USP44: variants seen among roughly 807,000 people sequenced by gnomAD.
USP44 encodes ubiquitin carboxyl-terminal hydrolase 44.
USP44 carries 61 observed loss-of-function variants against 69.0 expected under a neutral mutation model. That is an observed-to-expected ratio of 0.88 (90% confidence interval 0.72 to 1.09). USP44 has a LOEUF of 1.09. Among genes scored for constraint, USP44 ranks in the 50% least tolerant of loss-of-function variants. The probability of loss-of-function intolerance (pLI) is 0.00; values close to 1 mark genes in which losing one functional copy is unlikely to be tolerated. For synonymous variants in USP44, 297 were observed against 295.4 expected (o/e 1.01, Z -0.06); for missense variants, 753 against 849.9 (o/e 0.89, Z 1.42).
chr12:95,528,040 C>A (rs1479740081), intron 3 of USP44, among the ~76,000 whole-genome samples: 3 of 149,700 alleles, frequency 2.0e-5, no homozygotes, highest in Non-Finnish European at 4.5e-5. Flanking sequence ...GGTTTCACCA[C>A]ATTGGCCAGG....
intron 1 of USP44, among the ~76,000 whole-genome samples, chr12:95,544,806 TC>T (rs568502669): frequency 4.6e-4 from 70 of 152,052 alleles, no homozygotes; most frequent in African/African-American, 1.7e-3. Flanking sequence ...TTAAGAAGCT[TC>T]CCCCCGCCAT....
chr12:95,526,874 A>G (rs1247385270), intron 3 of USP44, among the ~76,000 whole-genome samples: 1 of 152,118 alleles, frequency 6.6e-6, no homozygotes, highest in East Asian at 1.9e-4. Context: ...ATATAGTATA[A>G]ATACTAAGAT....
intron 1 of USP44, among the ~76,000 whole-genome samples, chr12:95,543,777 T>C (rs1007801501): frequency 1.4e-4 from 21 of 151,430 alleles, no homozygotes; most frequent in African/African-American, 4.8e-4. Context: ...CCATCCTGGC[T>C]AACACAGTGA....
At chr12:95,519,435 T>C (rs1325809221) in intron 5 of USP44, among the ~76,000 whole-genome samples, 1 of 126,074 alleles carries the variant, frequency 7.9e-6, no homozygotes. Flanking sequence ...AATCTGTATT[T>C]TTTTTTTTTT....
At chr12:95,531,632 C>T (rs1446692453) in intron 2 of USP44, among the ~76,000 whole-genome samples, 2 of 152,246 alleles carry the variant, frequency 1.3e-5, no homozygotes, top group East Asian at 3.9e-4. Flanking sequence ...CTTTGCATTT[C>T]TGAAACACTG....
At chr12:95,522,180 T>G in intron 4 of USP44, 2 of 890,582 alleles carry the variant, frequency 2.2e-6, no homozygotes, top group Non-Finnish European at 2.7e-6. Context: ...TGGGGTAGTA[T>G]GGTAGAGAGA....
Position 95,524,464 on chromosome 12 carries a change from G to A in USP44, c.1733+216C>T, listed in dbSNP as rs35223006. On this transcript the variant is annotated intron_variant, in intron 4 of 5. Coordinates refer to ENST00000258499, the MANE Select transcript of USP44 (RefSeq NM_032147.5). ...CTGGGCAACATGGTAAAACCCTATC[G>A]CCAGCCTAGGTGACAGAGTGAGACT... The A allele has an allele frequency of 0.04, 13,365 of 338,348 alleles. 377 individuals are homozygous for A. Among genetic ancestry groups the A allele is most frequent in the Middle Eastern group, 0.096 (102 of 1,068 alleles). 21.0% of individuals were successfully genotyped at this position (338,348 alleles called of 1,614,324 possible).
chr12:95,519,720 C>T (rs1216375668), intron 5 of USP44, among the ~76,000 whole-genome samples: 1 of 150,732 alleles, frequency 6.6e-6, no homozygotes, highest in Non-Finnish European at 1.5e-5. Flanking sequence ...GCGTGAGCCA[C>T]CGCGCCCGGC....
Position 95,521,155 on chromosome 12 carries a change from A to G in USP44, c.1781T>C (p.Phe594Ser). The stretch of plus-strand genomic sequence containing the variant: ...GGGCTCCATGTTTAAGATTTCCTCA[A>G]AGCCAACATGAACACCAATCTTCTC... Reference protein sequence around the residue: ...NREKIGVHVGFEEILNMEPYC... With the variant: ...NREKIGVHVGSEEILNMEPYC... The change falls in exon 5 of 6, where the codon TTT becomes TCT. Residue 594 changes from phenylalanine (F) to serine (S), a missense_variant. Coordinates refer to ENST00000258499, the MANE Select transcript of USP44 (RefSeq NM_032147.5). 3.1e-6 allele frequency: 5 copies of G among 1,614,182 alleles called. No individual in the cohort carries two copies. Among genetic ancestry groups the G allele is most frequent in the Non-Finnish European group, 4.2e-6 (5 of 1,180,036 alleles).
At chr12:95,531,975 A>C (rs2077035498) in intron 2 of USP44, among the ~76,000 whole-genome samples, 1 of 152,174 alleles carries the variant, frequency 6.6e-6, no homozygotes. Flanking sequence ...GAAACTTTTG[A>C]GTAGTAATTA....
At chr12:95,524,822 T>G (rs775356000) in intron 3 of USP44, 34 bp from the exon 4 acceptor site, 21 of 1,557,082 alleles carry the variant, frequency 1.3e-5, no homozygotes, top group Non-Finnish European at 1.7e-5. Context: ...AAATCAAATT[T>G]CATTTAAAGA....
At chr12:95,522,351 C>T (rs2076692527) in intron 4 of USP44, among the ~76,000 whole-genome samples, 1 of 151,828 alleles carries the variant, frequency 6.6e-6, no homozygotes, top group South Asian at 2.1e-4. Context: ...TAAAGATGAA[C>T]CATTCAAATT....
Position 95,517,868 on chromosome 12 carries a change from A to G in USP44, c.*286T>C, listed in dbSNP as rs2076524800. ...GATGCCACTTGAACTTTGTTGGTAG[A>G]AGATTGCACAAGTTCATCATCCGAG... On this transcript the variant is annotated 3_prime_UTR_variant, in exon 6 of 6. Transcript: ENST00000258499. 1 of 254,504 alleles carries G rather than the reference A, an allele frequency of 3.9e-6. No individual in the cohort carries two copies. The highest frequency in any genetic ancestry group is 7.5e-6 in the Non-Finnish European group (1 of 132,954). The allele number at this position is 254,504 out of a possible 1,614,324, so 15.8% of individuals were successfully genotyped here. A position where few individuals can be genotyped will look rare whatever the true frequency, so the allele number is the denominator to read the frequency against.
intron 2 of USP44, among the ~76,000 whole-genome samples, chr12:95,530,648 T>TAGATAGATAGAG (rs2076987968): frequency 1.0e-5 from 1 of 98,592 alleles, no homozygotes; most frequent in African/African-American, 3.3e-5. Context: ...ACTGGAAATA[T>TAGATAGATAGAG]AGATAGATAG....
Position 95,533,874 on chromosome 12 carries a change from T to A in USP44, c.383A>T (p.Asp128Val), listed in dbSNP as rs761331380. 6.2e-7 allele frequency: 1 copy of A among 1,614,154 alleles called. No homozygotes were observed. The highest frequency in any genetic ancestry group is 1.1e-5 in the South Asian group (1 of 91,076). ...GGCACCGTCATGTAAGAAATAAGAA[T>A]CATCACCTGTACCCATGGACCGTAA... is the stretch of plus-strand genomic sequence containing the variant. ...RFLRSMGTGD[D>V]SYFLHDGAQS... The change falls in exon 2 of 6, where the codon GAT (aspartate) becomes GTT (valine). Residue 128 changes from aspartate (D) to valine (V), a missense_variant. Physicochemically the swap from Asp to Val is radical, Grantham distance 152. Coordinates refer to ENST00000258499, the MANE Select transcript of USP44 (RefSeq NM_032147.5).
At chr12:95,550,388 T>C (rs1000720333) in intron 1 of USP44, among the ~76,000 whole-genome samples, 6 of 152,196 alleles carry the variant, frequency 3.9e-5, no homozygotes, top group Admixed American at 2.6e-4. Context: ...CATTTTGTTC[T>C]TTTTTCTATA....
chr12:95,518,899 G>C (rs946266461), intron 5 of USP44, among the ~76,000 whole-genome samples: 2 of 151,604 alleles, frequency 1.3e-5, no homozygotes, highest in African/African-American at 4.9e-5. Flanking sequence ...GGATGGCGCA[G>C]CTTGCCCTCA....
At chr12:95,524,611 G>A (rs2076774511) in intron 4 of USP44, 69 bp downstream of exon 4, 15 of 1,173,200 alleles carry the variant, frequency 1.3e-5, no homozygotes, top group African/African-American at 3.1e-5. Context: ...ATTATAACAT[G>A]CATTCTTTAA....
chr12:95,528,820 A>T lies in USP44; in HGVS notation c.1611T>A (p.Cys537Ter). 3 of 1,613,938 alleles carry T rather than the reference A, an allele frequency of 1.9e-6. No individual in the cohort carries two copies. Among genetic ancestry groups the T allele is most frequent in the Non-Finnish European group, 2.5e-6 (3 of 1,179,976 alleles). ...TEALEGKIYV[C>*]DQCNSKRRRF... Reference sequence around the variant, plus strand: ...GTCTTTACTCACAGTTACACTGGTCACATACGTAGATTTTTCCTTCTAAAG... The same window carrying T: ...GTCTTTACTCACAGTTACACTGGTCTCATACGTAGATTTTTCCTTCTAAAG... Residue 537 changes from cysteine (C) to a stop codon, truncating the protein, a stop_gained, in exon 3 of 6, where the codon TGT becomes TGA. Coordinates refer to ENST00000258499, the MANE Select transcript of USP44 (RefSeq NM_032147.5). LOFTEE classifies it high-confidence loss of function.
Sources: gnomAD v4.1 joint callset for allele counts (sites outside exome capture counted in the v4.1 genomes callset) on GRCh38, gnomAD v4.1.1 for gene constraint, MANE v1.5 for transcripts, NCBI Gene and HGNC (gene_info 2026-07-23, HGNC 2026-07-21) for gene names.